The following COL19A1 variants were observed in gnomAD, a reference collection of about 807,000 sequenced individuals.
COL19A1 encodes the protein collagen alpha-1(XIX) chain.
In COL19A1, 159 loss-of-function variants were observed where a neutral mutation model predicts 190.2. The observed-to-expected ratio is 0.84, with a 90% CI of 0.73 to 0.95. The LOEUF (loss-of-function observed/expected upper bound fraction) is 0.95. Ranked by LOEUF, COL19A1 falls within the 40% of genes least tolerant of loss-of-function variation. COL19A1 has a pLI of 0.00. For missense variants in COL19A1, 1,418 were observed against 1,431.9 expected (o/e 0.99, Z 0.16); for synonymous variants, 509 against 458.9 (o/e 1.11, Z -1.39).
At chr6:69,928,899 A>C (rs1050836113) in intron 5 of COL19A1, among the ~76,000 whole-genome samples, 3 of 152,172 alleles carry the variant, frequency 2.0e-5, no homozygotes, top group Non-Finnish European at 4.4e-5. Context: ...TATGATGAGT[A>C]GATCAACCAA....
intron 40 of COL19A1, among the ~76,000 whole-genome samples, chr6:70,170,607 A>C (rs552832052): frequency 2.0e-5 from 3 of 152,290 alleles, no homozygotes; most frequent in Admixed American, 2.0e-4. Flanking sequence ...AGGACTGTTG[A>C]GAATGTAAAC....
At chr6:70,179,532 G>A (rs1766032916) in intron 42 of COL19A1, among the ~76,000 whole-genome samples, 1 of 152,108 alleles carries the variant, frequency 6.6e-6, no homozygotes, top group Non-Finnish European at 1.5e-5. Context: ...TTCTTTTCCT[G>A]TCAACAAAAC....
At chr6:70,064,811 TAACA>T (rs1357779381) in intron 14 of COL19A1, among the ~76,000 whole-genome samples, 7 of 152,000 alleles carry the variant, frequency 4.6e-5, no homozygotes, top group South Asian at 2.1e-4. Context: ...TATACACCAA[TAACA>T]AACAAACAGA....
intron 12 of COL19A1, among the ~76,000 whole-genome samples, chr6:70,026,349 C>T (rs1054729627): frequency 6.6e-5 from 10 of 152,090 alleles, no homozygotes; most frequent in African/African-American, 2.4e-4. Context: ...CTGAGAGATC[C>T]CAAAGGCCTA....
At chr6:69,966,288 A>C (rs919915557) in intron 11 of COL19A1, among the ~76,000 whole-genome samples, 6 of 152,270 alleles carry the variant, frequency 3.9e-5, no homozygotes, top group African/African-American at 1.4e-4. Context: ...CAGCTCATTG[A>C]GAACGGGCCA....
chr6:70,039,640 G>A (rs143623472), intron 14 of COL19A1, among the ~76,000 whole-genome samples: 91 of 152,142 alleles, frequency 6.0e-4, no homozygotes, highest in African/African-American at 1.7e-3. Context: ...TTCTATATTT[G>A]CTTTACTTTT....
At chr6:70,129,358 T>A (rs556273268) in intron 17 of COL19A1, among the ~76,000 whole-genome samples, 7 of 152,296 alleles carry the variant, frequency 4.6e-5, no homozygotes, top group Non-Finnish European at 8.8e-5. Context: ...TAGCTACATT[T>A]TACTTAACTT....
At chr6:70,112,655 C>A (rs1487202185) in intron 16 of COL19A1, among the ~76,000 whole-genome samples, 2 of 152,086 alleles carry the variant, frequency 1.3e-5, no homozygotes, top group Non-Finnish European at 2.9e-5. Flanking sequence ...AAAAAATCTA[C>A]AAGCTTCCTA....
At chr6:70,111,242 G>T (rs748359748) in intron 16 of COL19A1, among the ~76,000 whole-genome samples, 5 of 152,090 alleles carry the variant, frequency 3.3e-5, no homozygotes, top group Non-Finnish European at 7.4e-5. Flanking sequence ...CTCAATTTTT[G>T]CAGTCAGTTT....
intron 16 of COL19A1, among the ~76,000 whole-genome samples, chr6:70,113,638 T>G (rs1258936017): frequency 6.6e-6 from 1 of 152,148 alleles, no homozygotes; most frequent in Admixed American, 6.6e-5. Context: ...TCAAAAGTTA[T>G]TTAAGATGCT....
At chr6:69,989,097 T>C (rs2150072412) in intron 11 of COL19A1, among the ~76,000 whole-genome samples, 1 of 152,312 alleles carries the variant, frequency 6.6e-6, no homozygotes, top group Non-Finnish European at 1.5e-5. Context: ...GTTCTGGCTT[T>C]CCTTGCCTTT....
chr6:70,100,328 A>C (rs554021183), intron 15 of COL19A1, among the ~76,000 whole-genome samples: 1 of 152,284 alleles, frequency 6.6e-6, no homozygotes, highest in East Asian at 1.9e-4. Context: ...ATTTACTAAA[A>C]GACCAAATAT....
intron 7 of COL19A1, among the ~76,000 whole-genome samples, chr6:69,933,447 C>G (rs1004453892): frequency 3.3e-5 from 5 of 152,066 alleles, no homozygotes; most frequent in African/African-American, 9.7e-5. Context: ...TATTCAGAAA[C>G]ACTGACCTTC....
intron 27 of COL19A1, among the ~76,000 whole-genome samples, chr6:70,148,975 G>A (rs1025436783): frequency 1.3e-5 from 2 of 151,598 alleles, no homozygotes; most frequent in Non-Finnish European, 2.9e-5. Context: ...GGTGGTTGAG[G>A]AAAAAATCAC....
chr6:69,961,032 C>G (rs1209074472), intron 10 of COL19A1, among the ~76,000 whole-genome samples: 1 of 152,110 alleles, frequency 6.6e-6, no homozygotes, highest in Non-Finnish European at 1.5e-5. Flanking sequence ...GGACGGGGAG[C>G]CACTTCAGGT....
At chr6:69,933,007 C>G (rs1772880424) in intron 7 of COL19A1, 144 bp downstream of exon 7, 2 of 528,102 alleles carry the variant, frequency 3.8e-6, no homozygotes, top group Admixed American at 7.4e-5. Flanking sequence ...AGGAAGCATT[C>G]ATAGTGCTTT....
rs866179157 is a variant in COL19A1, at chr6:69,929,515, C to T, written c.481C>T (p.Arg161Ter). ...TGTGTTGAACTACATTTTTAGAAAT[C>T]GAGAACTCCGTCCTTTGTTTGATCG... is the stretch of plus-strand genomic sequence containing the variant. Reference protein sequence around the residue: ...GDVLNYIFRNRELRPLFDRQW... With the variant: ...GDVLNYIFRN Residue 161 changes from arginine (R) to a stop codon, truncating the protein, a stop_gained, in exon 6 of 51, where the codon CGA (arginine) becomes TGA (stop). Coordinates refer to ENST00000620364, the MANE Select transcript of COL19A1 (RefSeq NM_001858.6). LOFTEE classifies it high-confidence loss of function. The T allele has an allele frequency of 3.1e-6, 5 of 1,613,994 alleles. No individual in the cohort carries two copies. Among genetic ancestry groups the T allele is most frequent in the Non-Finnish European group, 4.2e-6 (5 of 1,179,968 alleles).
chr6:69,990,190 G>C (rs1304768782), intron 11 of COL19A1, among the ~76,000 whole-genome samples: 1 of 152,038 alleles, frequency 6.6e-6, no homozygotes, highest in Non-Finnish European at 1.5e-5. Flanking sequence ...TACTTCAGCT[G>C]TCTTCAATTC....
intron 15 of COL19A1, among the ~76,000 whole-genome samples, chr6:70,080,889 A>G (rs930802641): frequency 3.3e-5 from 5 of 152,198 alleles, no homozygotes; most frequent in Non-Finnish European, 7.4e-5. Flanking sequence ...GTAACTTACT[A>G]TGGGCTTAAA....
Sources: gnomAD v4.1 joint callset for allele counts (sites outside exome capture counted in the v4.1 genomes callset) on GRCh38, gnomAD v4.1.1 for gene constraint, MANE v1.5 for transcripts, NCBI Gene and HGNC (gene_info 2026-07-23, HGNC 2026-07-21) for gene names.